Variants in DAB1 observed in about 807,000 individuals in gnomAD.
The protein encoded by DAB1 is DAB adaptor protein 1.
A neutral mutation model predicts 64.6 loss-of-function variants in DAB1; 15 were observed. That is an observed-to-expected ratio of 0.23 (90% CI 0.16 to 0.36). The LOEUF is 0.36. Ranked by LOEUF, DAB1 falls within the 10% of genes least tolerant of loss-of-function variation. The pLI is 1.00. For missense variants in DAB1, 596 were observed against 706.7 expected (o/e 0.84, Z 1.78); for synonymous variants, 235 against 251.9 (o/e 0.93, Z 0.64).
At chr1:57,307,286 T>C (rs1674267086) in intron 1 of DAB1, 2 of 152,250 alleles carry the variant, frequency 1.3e-5, no homozygotes, top group Non-Finnish European at 2.9e-5. Flanking sequence ...TCCATGCCTT[T>C]TGAGTCCAAG....
At chr1:57,643,170 G>A (rs1646151642) in intron 7 of DAB1, among the ~76,000 whole-genome samples, 1 of 152,198 alleles carries the variant, frequency 6.6e-6, no homozygotes, top group South Asian at 2.1e-4. Flanking sequence ...CAATTACGGA[G>A]ATTTTTCTAG....
chr1:57,896,261 G>A (rs1264244539), intron 5 of DAB1, among the ~76,000 whole-genome samples: 1 of 152,136 alleles, frequency 6.6e-6, no homozygotes, highest in East Asian at 1.9e-4. Flanking sequence ...CAAGGGAGGG[G>A]AAGAAGGGAA....
chr1:57,216,349 G>A (rs909822736), intron 2 of DAB1, among the ~76,000 whole-genome samples: 3 of 152,060 alleles, frequency 2.0e-5, no homozygotes, highest in Admixed American at 1.3e-4. Flanking sequence ...GTCAATTAAA[G>A]TAACTCCTTT....
intron 4 of DAB1, among the ~76,000 whole-genome samples, chr1:58,322,469 G>A (rs1033744788): frequency 3.4e-4 from 51 of 152,210 alleles, no homozygotes; most frequent in Non-Finnish European, 5.3e-4. Flanking sequence ...CATCTGTGCA[G>A]CCAACAGACA....
At chr1:58,075,830 ATC>A (rs998566843) in intron 5 of DAB1, among the ~76,000 whole-genome samples, 80 of 152,010 alleles carry the variant, frequency 5.3e-4, no homozygotes, top group African/African-American at 1.8e-3. Context: ...CTCTTTGTGA[ATC>A]TCTCTGTTTT....
At chr1:57,352,093 T>C (rs183602736) in intron 1 of DAB1, among the ~76,000 whole-genome samples, 11 of 152,206 alleles carry the variant, frequency 7.2e-5, no homozygotes, top group Non-Finnish European at 1.3e-4. Context: ...AGAAAACATA[T>C]ACCTGGCTGA....
intron 5 of DAB1, among the ~76,000 whole-genome samples, chr1:57,968,477 A>C (rs1369026246): frequency 6.6e-6 from 1 of 152,162 alleles, no homozygotes; most frequent in Admixed American, 6.6e-5. Flanking sequence ...CTTTTTAAAA[A>C]ACAAACCTCT....
chr1:57,834,335 A>G (rs1202313361), intron 1 of DAB1, among the ~76,000 whole-genome samples: 2 of 152,202 alleles, frequency 1.3e-5, no homozygotes, highest in African/African-American at 2.4e-5. Context: ...AAAATAAAAT[A>G]CACAGAGGCT....
chr1:57,320,256 C>T (rs1177313015), intron 1 of DAB1, among the ~76,000 whole-genome samples: 4 of 152,118 alleles, frequency 2.6e-5, no homozygotes, highest in Admixed American at 6.5e-5. Context: ...CCTGAGACCT[C>T]CCCAGCCATG....
intron 6 of DAB1, among the ~76,000 whole-genome samples, chr1:57,713,506 G>A (rs1647050104): frequency 6.6e-6 from 1 of 152,154 alleles, no homozygotes; most frequent in Non-Finnish European, 1.5e-5. Flanking sequence ...AGAAAAGAGG[G>A]GAAGATGGTG....
chr1:57,246,955 C>G lies in DAB1; in HGVS notation c.67+44009G>C, dbSNP rs535341751. On this transcript the variant is annotated intron_variant, in intron 2 of 14. Coordinates refer to ENST00000371236, the MANE Select transcript of DAB1 (RefSeq NM_001365792.1). The stretch of plus-strand genomic sequence containing the variant: ...GGAACATTTACCCACTGCCTGTACC[C>G]CCATTGTATCTTGGAAATAACTAAC... Among the ~76,000 whole-genome samples, 344 of 152,286 alleles carry G rather than the reference C, an allele frequency of 2.3e-3. 1 individual carries two copies. Among genetic ancestry groups the G allele is most frequent in the African/African-American group, 8.1e-3 (337 of 41,552 alleles).
At chr1:58,176,853 C>T (rs1656510465) in intron 4 of DAB1, among the ~76,000 whole-genome samples, 1 of 152,024 alleles carries the variant, frequency 6.6e-6, no homozygotes, top group African/African-American at 2.4e-5. Context: ...GTGGTGGGCA[C>T]CTCTAGTCCC....
intron 7 of DAB1, among the ~76,000 whole-genome samples, chr1:57,533,896 G>C (rs1248296001): frequency 6.6e-6 from 1 of 152,042 alleles, no homozygotes; most frequent in Non-Finnish European, 1.5e-5. Context: ...CAAAGGATTT[G>C]AGGAATATCA....
At chr1:57,273,612 TTCCCTCCCTCCCTCCC>T (rs541091242) in intron 2 of DAB1, among the ~76,000 whole-genome samples, 10 of 91,812 alleles carry the variant, frequency 1.1e-4, no homozygotes, top group South Asian at 9.0e-4. Context: ...CCTTCCTTCC[TTCCCTCCCTCCCTCCC>T]TCCCTCCCTC....
At chr1:57,577,415 T>A (rs201589720) in intron 7 of DAB1, among the ~76,000 whole-genome samples, 2 of 147,040 alleles carry the variant, frequency 1.4e-5, no homozygotes, top group Non-Finnish European at 1.5e-5. Context: ...GGAGGCTTCC[T>A]AAAAAAAAAA....
At chr1:58,351,904 C>A (rs1398770911) in intron 3 of DAB1, among the ~76,000 whole-genome samples, 2 of 147,536 alleles carry the variant, frequency 1.4e-5, no homozygotes, top group Non-Finnish European at 1.5e-5. Context: ...TCTAGGTAAC[C>A]TCAGAGTTGA....
chr1:58,304,571 C>T (rs1662263543), intron 4 of DAB1, among the ~76,000 whole-genome samples: 1 of 152,178 alleles, frequency 6.6e-6, no homozygotes, highest in South Asian at 2.1e-4. Flanking sequence ...TGTGCTTGTG[C>T]ATTTTCTAAT....
intron 5 of DAB1, among the ~76,000 whole-genome samples, chr1:57,987,838 G>GT (rs199724187): frequency 0.011 from 1,387 of 130,594 alleles, 16 homozygotes; most frequent in African/African-American, 0.031. Flanking sequence ...GGGTTTTTTT[G>GT]TTTTTTTTGT....
At chr1:58,127,785 T>C (rs1156351920) in intron 5 of DAB1, among the ~76,000 whole-genome samples, 2 of 151,422 alleles carry the variant, frequency 1.3e-5, no homozygotes, top group Admixed American at 1.3e-4. Flanking sequence ...TGCGGTGTTA[T>C]TTCTGAGGGC....
Sources: gnomAD v4.1 joint callset for allele counts (sites outside exome capture counted in the v4.1 genomes callset) on GRCh38, gnomAD v4.1.1 for gene constraint, MANE v1.5 for transcripts, NCBI Gene and HGNC (gene_info 2026-07-23, HGNC 2026-07-21) for gene names.